Variants in DENND1B observed in about 807,000 individuals in gnomAD.
DENND1B encodes the protein DENN domain containing 1B.
DENND1B carries 59 observed loss-of-function variants against 90.1 expected under a neutral mutation model. That is an observed-to-expected ratio of 0.65 (90% confidence interval 0.53 to 0.81). The LOEUF is 0.81. Among genes scored for constraint, DENND1B ranks in the 40% least tolerant of loss-of-function variants. The pLI, the probability that DENND1B is intolerant of heterozygous loss-of-function variation, is 0.00. For synonymous variants in DENND1B, 337 were observed against 324.6 expected (o/e 1.04, Z -0.41); for missense variants, 862 against 912.6 (o/e 0.94, Z 0.71).
At chr1:197,530,140 T>C (rs959467693) in intron 20 of DENND1B, among the ~76,000 whole-genome samples, 3 of 152,228 alleles carry the variant, frequency 2.0e-5, no homozygotes, top group Admixed American at 2.0e-4. Context: ...ATGTGGACTA[T>C]AGATTCACAA....
Position 197,511,794 on chromosome 1 carries a change from C to T in DENND1B, c.1749G>A (p.Gly583=). 5 of 1,611,086 alleles carry T rather than the reference C, an allele frequency of 3.1e-6. No homozygotes were observed. The highest frequency in any genetic ancestry group is 3.4e-6 in the Non-Finnish European group (4 of 1,178,124). ...DTLSTHSSDQ[G]KLAAAKSLDF... is the part of the protein sequence containing the mutation. Reference sequence around the variant, plus strand: ...CCAAGCTCTTTGCAGCTGCCAGCTTCCCCTGATCTGAGCTGTGTGTGCTCA... The same window carrying T: ...CCAAGCTCTTTGCAGCTGCCAGCTTTCCCTGATCTGAGCTGTGTGTGCTCA... Residue 583 remains glycine (G), a synonymous_variant, in exon 22 of 23, where the codon GGG becomes GGA. Transcript: ENST00000620048.
rs186891583 is a variant in DENND1B at position 197,561,849 on chromosome 1, G to A, written c.1150-8737C>T. Among the ~76,000 whole-genome samples the A allele has an allele frequency of 1.7e-4, 26 of 151,462 alleles. 1 individual carries two copies. The highest frequency in any genetic ancestry group is 6.3e-4 in the African/African-American group (26 of 41,322). On this transcript the variant is annotated intron_variant, in intron 15 of 22. Coordinates refer to ENST00000620048, the MANE Select transcript of DENND1B (RefSeq NM_001195215.2). Reference sequence around the variant, plus strand: ...ATCAAATCCTTCAGAATATCTATTGGCTTTATTTATAAAATAAACCCATAT... The same window carrying A: ...ATCAAATCCTTCAGAATATCTATTGACTTTATTTATAAAATAAACCCATAT...
chr1:197,628,474 T>G (rs1204776251), intron 10 of DENND1B, among the ~76,000 whole-genome samples: 3 of 152,208 alleles, frequency 2.0e-5, no homozygotes, highest in Non-Finnish European at 4.4e-5. Context: ...GCTAGCCATA[T>G]GTAGAAAGCT....
chr1:197,540,983 T>G lies in DENND1B; in HGVS notation c.1383A>C (p.Glu461Asp). The part of the protein sequence containing the change: ...AKNHAKLGLK[E>D]VKSKLKHKEN... ...CCTTGTGTTTTAGTTTACTCTTCAC[T>G]TCCTTTAGTCCCAGCTTTGCATGAT... The change falls in exon 19 of 23, where the codon GAA becomes GAC. Residue 461 changes from glutamate (E) to aspartate (D), a missense_variant. Physicochemically the swap from Glu to Asp is conservative, Grantham distance 45 (BLOSUM62 2). Transcript: ENST00000620048. The G allele has an allele frequency of 6.2e-7, 1 of 1,612,850 alleles. No homozygotes were observed. The highest frequency in any genetic ancestry group is 8.5e-7 in the Non-Finnish European group (1 of 1,179,316).
intron 14 of DENND1B, among the ~76,000 whole-genome samples, chr1:197,592,874 G>A (rs1478300787): frequency 6.6e-6 from 1 of 152,042 alleles, no homozygotes; most frequent in Non-Finnish European, 1.5e-5. Context: ...AAAAAGTAAT[G>A]TCTAGTAAAA....
At chr1:197,701,535 T>C (rs1286094415) in intron 3 of DENND1B, among the ~76,000 whole-genome samples, 1 of 150,336 alleles carries the variant, frequency 6.7e-6, no homozygotes, top group Non-Finnish European at 1.5e-5. Flanking sequence ...TCTGTACTTG[T>C]ATCCCCCCCT....
At chr1:197,517,098 CTT>C (rs1668454272) in intron 20 of DENND1B, among the ~76,000 whole-genome samples, 2 of 151,814 alleles carry the variant, frequency 1.3e-5, no homozygotes, top group African/African-American at 4.8e-5. Flanking sequence ...AAATTTCATA[CTT>C]CTTTGTGCCC....
chr1:197,586,264 C>A (rs935189316), intron 14 of DENND1B, among the ~76,000 whole-genome samples: 145 of 151,990 alleles, frequency 9.5e-4, no homozygotes, highest in African/African-American at 3.4e-3. Flanking sequence ...TTAAAGAGAT[C>A]TGAAAAAAAT....
chr1:197,665,028 T>C (rs192167689), intron 5 of DENND1B, among the ~76,000 whole-genome samples: 3 of 152,136 alleles, frequency 2.0e-5, no homozygotes, highest in African/African-American at 7.2e-5. Flanking sequence ...ATACAAACAA[T>C]TGCCAGATTT....
chr1:197,779,831 G>A (rs537657454), upstream of DENND1B, among the ~76,000 whole-genome samples: 16 of 151,812 alleles, frequency 1.1e-4, no homozygotes, highest in Non-Finnish European at 2.4e-4. Context: ...TGAAGCATTT[G>A]TGGGTCTGCT....
Position 197,512,931 on chromosome 1 carries a change from T to C in DENND1B, c.1538A>G (p.Lys513Arg), listed in dbSNP as rs1465327632. The C allele has an allele frequency of 1.2e-6, 2 of 1,610,168 alleles. No homozygotes were observed. Among genetic ancestry groups the C allele is most frequent in the Admixed American group, 3.4e-5 (2 of 59,648 alleles). The change falls in exon 21 of 23, where the codon AAG (lysine) becomes AGG (arginine). Residue 513 changes from lysine (K) to arginine (R), a missense_variant. Coordinates refer to ENST00000620048, the MANE Select transcript of DENND1B (RefSeq NM_001195215.2). ...LAQARLKRPL[K>R]SLDGALYDDE... ...ATCATATAGAGCACCATCAAGGCTC[T>C]TAAGAGGCCTTTTTAAGCGTGCCTG...
intron 14 of DENND1B, among the ~76,000 whole-genome samples, chr1:197,586,513 A>G (rs1674713042): frequency 6.6e-6 from 1 of 152,208 alleles, no homozygotes; most frequent in African/African-American, 2.4e-5. Context: ...AACCACTGAT[A>G]TCGACAGTAA....
intron 2 of DENND1B, chr1:197,734,879 A>G: frequency 1.0e-6 from 1 of 985,346 alleles, no homozygotes; most frequent in Non-Finnish European, 1.2e-6. Flanking sequence ...GCTTATACAT[A>G]GCAGATGTCT....
chr1:197,676,333 G>C (rs1220643625), intron 3 of DENND1B, among the ~76,000 whole-genome samples: 1 of 152,040 alleles, frequency 6.6e-6, no homozygotes, highest in Non-Finnish European at 1.5e-5. Flanking sequence ...CTTAGCAATA[G>C]TATTAATTGA....
intron 20 of DENND1B, among the ~76,000 whole-genome samples, chr1:197,534,171 T>C (rs1669713803): frequency 1.3e-5 from 2 of 152,206 alleles, no homozygotes; most frequent in South Asian, 4.1e-4. Context: ...TTTGGATACT[T>C]GAGCCAGTTC....
chr1:197,690,767 C>T (rs1363974755), intron 3 of DENND1B: 1 of 151,956 alleles, frequency 6.6e-6, no homozygotes, highest in African/African-American at 2.4e-5. Flanking sequence ...ATTATAAAAC[C>T]TTCCGAAGGA....
At position 197,529,307 on chromosome 1, in the gene DENND1B, T is replaced by C. The variant is rs560624099; in HGVS notation, c.1515+10657A>G. On this transcript the variant is annotated intron_variant, in intron 20 of 22. Transcript: ENST00000620048. Reference sequence around the variant, plus strand: ...GTATATATATGTATATATGTGTATATATGTATATATATGTGTGTATATATA... The same window carrying C: ...GTATATATATGTATATATGTGTATACATGTATATATATGTGTGTATATATA... Among the ~76,000 whole-genome samples the C allele has an allele frequency of 5.0e-4, 74 of 148,276 alleles. 2 individuals carry two copies. The highest frequency in any genetic ancestry group is 3.6e-3 in the Middle Eastern group (1 of 280).
At position 197,701,543 on chromosome 1, in the gene DENND1B, C is replaced by T. The variant is rs150215601; in HGVS notation, c.126+13488G>A. Among the ~76,000 whole-genome samples, 7 of 151,528 alleles carry T rather than the reference C, an allele frequency of 4.6e-5. No homozygotes were observed. The East Asian group carries it at 7.7e-4, about 17-fold the overall frequency. On this transcript the variant is annotated intron_variant, in intron 3 of 22. Coordinates refer to ENST00000620048, the MANE Select transcript of DENND1B (RefSeq NM_001195215.2). ...TGCAGGTTCTGTACTTGTATCCCCC[C>T]CTTCCCCGGCTTTTTTTTTTTAAGA...
chr1:197,618,905 A>T (rs1467410438), intron 10 of DENND1B, among the ~76,000 whole-genome samples: 18 of 151,218 alleles, frequency 1.2e-4, no homozygotes, highest in Admixed American at 1.2e-3. Context: ...AAGCTATCCA[A>T]ATCCTATTAT....
Sources: gnomAD v4.1 joint callset for allele counts (sites outside exome capture counted in the v4.1 genomes callset) on GRCh38, gnomAD v4.1.1 for gene constraint, MANE v1.5 for transcripts, NCBI Gene and HGNC (gene_info 2026-07-23, HGNC 2026-07-21) for gene names.